TMPRSS9: variants seen among roughly 807,000 people sequenced by gnomAD.
TMPRSS9 encodes transmembrane serine protease 9.
In TMPRSS9, 113 loss-of-function variants were observed where a neutral mutation model predicts 111.4. That is an observed-to-expected ratio of 1.01 (90% CI 0.87 to 1.19). TMPRSS9 has a LOEUF of 1.19. Among genes scored for constraint, TMPRSS9 ranks in the 50% most tolerant of loss-of-function variants. TMPRSS9 has a pLI of 0.00. For synonymous variants in TMPRSS9, 805 were observed against 659.1 expected (o/e 1.22, Z -3.39); for missense variants, 1,803 against 1,513.1 (o/e 1.19, Z -3.18).
intron 1 of TMPRSS9, among the ~76,000 whole-genome samples, chr19:2,380,829 C>T (rs1214347129): frequency 2.0e-5 from 3 of 152,254 alleles, no homozygotes; most frequent in East Asian, 1.9e-4. Context: ...AGTTTCTCTA[C>T]AATAGCCTTG....
chr19:2,400,363 G>A (rs1347576283), intron 4 of TMPRSS9, among the ~76,000 whole-genome samples: 7 of 152,046 alleles, frequency 4.6e-5, no homozygotes, highest in South Asian at 4.2e-4. Context: ...CCAACATGGC[G>A]AAACCCCGTC....
chr19:2,422,273 T>C (rs1971484812), intron 14 of TMPRSS9, 26 bp downstream of exon 15: 1 of 1,493,626 alleles, frequency 6.7e-7, no homozygotes, highest in Non-Finnish European at 8.9e-7. Flanking sequence ...GAGGGATCCC[T>C]GGGAGTGGAG....
chr19:2,364,756 C>T (rs572129877), intron 1 of TMPRSS9, among the ~76,000 whole-genome samples: 3 of 151,918 alleles, frequency 2.0e-5, no homozygotes, highest in South Asian at 2.1e-4. Flanking sequence ...GAGGCTGAGG[C>T]GGGCCGATCA....
intron 7 of TMPRSS9, among the ~76,000 whole-genome samples, chr19:2,407,028 G>A (rs1363391046): frequency 4.6e-5 from 7 of 151,472 alleles, no homozygotes. Flanking sequence ...TTGAACTCCT[G>A]GCCTCAAGTG....
chr19:2,379,615 CTCTTTCTTTCTTTCTTTCTTTCTT>C (rs34251969), intron 1 of TMPRSS9, among the ~76,000 whole-genome samples: 23 of 118,618 alleles, frequency 1.9e-4, no homozygotes, highest in South Asian at 3.0e-4. Context: ...AACTTTCTTT[CTCTTTCTTTCTTTCTTTCTTTCTT>C]TCTTTCTTTC....
chr19:2,386,781 C>T (rs1281733379), upstream of TMPRSS9, among the ~76,000 whole-genome samples: 1 of 151,952 alleles, frequency 6.6e-6, no homozygotes, highest in East Asian at 1.9e-4. Context: ...CACTTGAGGC[C>T]AGGAGTTTGA....
chr19:2,414,603 C>G (rs112539261), intron 10 of TMPRSS9, among the ~76,000 whole-genome samples: 1 of 151,490 alleles, frequency 6.6e-6, no homozygotes, highest in Admixed American at 6.6e-5. Context: ...TGGCAGGGTG[C>G]GGTGGCTCGT....
chr19:2,424,054 G>C (rs1971531416), intron 14 of TMPRSS9, 35 bp from the exon 16 acceptor site: 1 of 1,254,710 alleles, frequency 8.0e-7, no homozygotes. Context: ...GAGGTGCCCT[G>C]GGTCCGCCTG....
intron 4 of TMPRSS9, among the ~76,000 whole-genome samples, chr19:2,400,018 C>T (rs990707304): frequency 7.2e-5 from 11 of 152,320 alleles, no homozygotes; most frequent in East Asian, 5.8e-4. Context: ...GTGTGAGCCA[C>T]GTGCCCAGTT....
chr19:2,398,906 C>T (rs1350712494), intron 3 of TMPRSS9, 44 bp downstream of exon 4: 3 of 1,530,476 alleles, frequency 2.0e-6, no homozygotes, highest in Non-Finnish European at 2.6e-6. Flanking sequence ...TGGTGGACAT[C>T]TGGGAGTTTC....
rs140328906 is a variant in TMPRSS9 at position 2,397,318 on chromosome 19, T to G, written c.270+652T>G. 2.2e-3 allele frequency among the ~76,000 whole-genome samples: 337 copies of G among 151,628 alleles called. 1 individual carries two copies. Among genetic ancestry groups the G allele is most frequent in the African/African-American group, 7.8e-3 (321 of 41,282 alleles). ...TTTATTTTATTTTTTTGAGACGGAG[T>G]CTTGCTCTGTTGTCCAGGCTGGAGT... On this transcript the variant is annotated intron_variant, in intron 2 of 17. Coordinates refer to ENST00000648592, the Ensembl canonical transcript of TMPRSS9.
At chr19:2,425,598 G>A in intron 17 of TMPRSS9, 105 bp downstream of exon 18, 2 of 1,384,210 alleles carry the variant, frequency 1.4e-6, no homozygotes, top group Non-Finnish European at 1.9e-6. Flanking sequence ...CTCCGGTGCA[G>A]GCTTCTCCAG....
chr19:2,397,772 T>C (rs1048469923), intron 2 of TMPRSS9, among the ~76,000 whole-genome samples: 6 of 150,994 alleles, frequency 4.0e-5, no homozygotes, highest in African/African-American at 1.5e-4. Flanking sequence ...ACACAAAAAT[T>C]AGCGGGGCGT....
At chr19:2,379,849 T>C (rs75024020) in intron 1 of TMPRSS9, among the ~76,000 whole-genome samples, 15,920 of 151,266 alleles carry the variant, frequency 0.11, 1,653 homozygotes, top group African/African-American at 0.27. Context: ...CTCGACCTCC[T>C]TGGCTCACTG....
At chr19:2,371,079 G>A (rs758096155) in intron 1 of TMPRSS9, among the ~76,000 whole-genome samples, 23 of 152,042 alleles carry the variant, frequency 1.5e-4, no homozygotes, top group Non-Finnish European at 2.5e-4. Flanking sequence ...CCCTGGCCCC[G>A]GATGTCCTCT....
At chr19:2,421,569 G>A (rs1187882370) in intron 13 of TMPRSS9, among the ~76,000 whole-genome samples, 1 of 152,082 alleles carries the variant, frequency 6.6e-6, no homozygotes, top group Non-Finnish European at 1.5e-5. Context: ...TTACAGGCGT[G>A]AGCCACCACG....
intron 2 of TMPRSS9, among the ~76,000 whole-genome samples, chr19:2,396,985 A>G (rs1970724547): frequency 6.6e-6 from 1 of 151,124 alleles, no homozygotes; most frequent in Non-Finnish European, 1.5e-5. Context: ...CAGTGGAATG[A>G]TCTCGGCTCA....
chr19:2,413,218 C>T (rs1254306636), intron 9 of TMPRSS9, among the ~76,000 whole-genome samples: 2 of 151,756 alleles, frequency 1.3e-5, no homozygotes, highest in Non-Finnish European at 2.9e-5. Flanking sequence ...AACAAAAAAA[C>T]GATACACAGA....
At chr19:2,407,913 G>A (rs10406339) in intron 7 of TMPRSS9, among the ~76,000 whole-genome samples, 32,394 of 151,628 alleles carry the variant, frequency 0.21, 3,915 homozygotes, top group African/African-American at 0.32. Context: ...CCTCCTGAGT[G>A]GCTGGGATTA....
Sources: allele counts gnomAD v4.1 joint callset (sites outside exome capture counted in the v4.1 genomes callset), GRCh38; gene constraint gnomAD v4.1.1; transcripts MANE v1.5; gene names NCBI Gene and HGNC (gene_info 2026-07-23, HGNC 2026-07-21).